PDZD2: variants seen among roughly 807,000 people sequenced by gnomAD.
PDZD2 encodes the protein PDZ domain-containing protein 2.
A neutral mutation model predicts 220.7 loss-of-function variants in PDZD2; 90 were observed. That is an observed-to-expected ratio of 0.41 (90% CI 0.34 to 0.49). The LOEUF (loss-of-function observed/expected upper bound fraction) is 0.49, where lower values mean the gene tolerates loss of function less well. PDZD2 is among the 20% of genes least tolerant of loss of function. The pLI is 0.28. For synonymous variants in PDZD2, 1,375 were observed against 1,450.5 expected, an observed-to-expected ratio of 0.95 and a Z score of 1.18; for missense variants, 3,174 against 3,608.5, an observed-to-expected ratio of 0.88 and a Z score of 3.08.
chr5:31,677,878 C>T (rs1388504453), intron 1 of PDZD2, among the ~76,000 whole-genome samples: 2 of 150,538 alleles, frequency 1.3e-5, no homozygotes, highest in African/African-American at 4.9e-5. Flanking sequence ...GATGGTAGGA[C>T]AGCAGCAGAG....
intron 21 of PDZD2, 66 bp from the exon 22 acceptor site, chr5:32,097,211 GAT>G (rs1743803407): frequency 2.0e-6 from 2 of 980,616 alleles, no homozygotes; most frequent in Non-Finnish European, 3.3e-6. Context: ...GGCCCAAGGG[GAT>G]ATGTTTTTCT....
At chr5:31,830,874 A>G (rs1315392279) in intron 2 of PDZD2, among the ~76,000 whole-genome samples, 1 of 152,198 alleles carries the variant, frequency 6.6e-6, no homozygotes. Context: ...TTCCTGACCA[A>G]GGCTTCTCAG....
intron 1 of PDZD2, among the ~76,000 whole-genome samples, chr5:31,777,059 C>T (rs1284173242): frequency 6.6e-6 from 1 of 152,176 alleles, no homozygotes; most frequent in Non-Finnish European, 1.5e-5. Context: ...TCTGGGCTGG[C>T]CGAGCCTGGA....
At chr5:31,780,502 G>A (rs1346154188) in intron 1 of PDZD2, among the ~76,000 whole-genome samples, 1 of 152,132 alleles carries the variant, frequency 6.6e-6, no homozygotes, top group East Asian at 1.9e-4. Context: ...CGAAGTCAAA[G>A]AAAAGCGAAA....
At position 31,954,311 on chromosome 5, in the gene PDZD2, A is replaced by G. The variant is rs553390535; in HGVS notation, c.477-28844A>G. ...AGTACATAAACCATGGTTAACACTC[A>G]TAAATTATAGAAGCTATTATTATTT... On this transcript the variant is annotated intron_variant, in intron 2 of 24. Coordinates refer to ENST00000438447, the MANE Select transcript of PDZD2 (RefSeq NM_178140.4). Among the ~76,000 whole-genome samples the G allele has an allele frequency of 1.2e-3, 188 of 152,366 alleles. 1 individual carries two copies. Among genetic ancestry groups the G allele is most frequent in the Non-Finnish European group, 2.1e-3 (146 of 68,046 alleles).
intron 3 of PDZD2, among the ~76,000 whole-genome samples, chr5:31,994,312 T>A (rs1343405354): frequency 6.6e-6 from 1 of 151,268 alleles, no homozygotes; most frequent in Non-Finnish European, 1.5e-5. Flanking sequence ...CCAGCCTGTT[T>A]TTTGTTTTTT....
At chr5:31,674,958 C>T (rs1746349116) in intron 1 of PDZD2, among the ~76,000 whole-genome samples, 1 of 152,156 alleles carries the variant, frequency 6.6e-6, no homozygotes, top group Non-Finnish European at 1.5e-5. Flanking sequence ...CACGAAGCCC[C>T]AGAAGGCACC....
At chr5:32,107,269 G>A (rs1744855544) in intron 24 of PDZD2, 1 of 152,154 alleles carries the variant, frequency 6.6e-6, no homozygotes, top group African/African-American at 2.4e-5. Flanking sequence ...CTGTAAGTAA[G>A]TAGTCCCCAT....
chr5:31,938,058 G>A (rs967308745), intron 2 of PDZD2, among the ~76,000 whole-genome samples: 3 of 152,206 alleles, frequency 2.0e-5, no homozygotes, highest in African/African-American at 7.2e-5. Context: ...AACATTTGCT[G>A]GTTTGCTGGT....
chr5:31,810,013 T>G (rs559104892), intron 2 of PDZD2, among the ~76,000 whole-genome samples: 1 of 152,276 alleles, frequency 6.6e-6, no homozygotes, highest in South Asian at 2.1e-4. Flanking sequence ...CTCTTAGCAC[T>G]ACTTTCGGGA....
At chr5:31,659,507 G>T (rs1745682232) in intron 1 of PDZD2, among the ~76,000 whole-genome samples, 1 of 151,866 alleles carries the variant, frequency 6.6e-6, no homozygotes, top group South Asian at 2.1e-4. Context: ...CTGCTCCCCA[G>T]CTTGGTCAGT....
At chr5:32,031,327 C>T (rs34432329) in intron 6 of PDZD2, among the ~76,000 whole-genome samples, 21,148 of 152,106 alleles carry the variant, frequency 0.14, 1,589 homozygotes, top group Admixed American at 0.18. Context: ...ATCCCTTTTT[C>T]TCTAGTTAGT....
At chr5:31,858,014 C>T (rs1169083147) in intron 2 of PDZD2, among the ~76,000 whole-genome samples, 5 of 152,052 alleles carry the variant, frequency 3.3e-5, no homozygotes, top group East Asian at 1.9e-4. Flanking sequence ...TTAGTAGAGA[C>T]GGGATTTCAC....
In PDZD2 at chr5:32,003,263, C is replaced by T. The variant is rs529113250; in HGVS notation, c.1254+2992C>T. On this transcript the variant is annotated intron_variant, in intron 5 of 24. Coordinates refer to ENST00000438447, the MANE Select transcript of PDZD2 (RefSeq NM_178140.4). Reference sequence around the variant, plus strand: ...TCACACACACACCACACACACACCACATGCCACACACACACCACACACACA... The same window carrying T: ...TCACACACACACCACACACACACCATATGCCACACACACACCACACACACA... Among the ~76,000 whole-genome samples the T allele has an allele frequency of 1.3e-3, 165 of 125,412 alleles. 1 individual carries two copies. Among genetic ancestry groups the T allele is most frequent in the Middle Eastern group, 4.9e-3 (1 of 206 alleles). 82.3% of individuals were successfully genotyped at this position (125,412 alleles called of 152,430 possible).
chr5:32,051,845 T>C (rs1738585241), intron 8 of PDZD2, among the ~76,000 whole-genome samples: 1 of 152,168 alleles, frequency 6.6e-6, no homozygotes, highest in African/African-American at 2.4e-5. Context: ...TGGTTTGGGT[T>C]TTATAAGAAA....
intron 2 of PDZD2, among the ~76,000 whole-genome samples, chr5:31,878,123 C>T (rs563078548): frequency 1.3e-5 from 2 of 152,268 alleles, no homozygotes; most frequent in South Asian, 2.1e-4. Context: ...GAGAAAAATA[C>T]CATGACTGTA....
chr5:31,826,261 T>A (rs751329334), intron 2 of PDZD2, among the ~76,000 whole-genome samples: 57 of 152,256 alleles, frequency 3.7e-4, no homozygotes, highest in Non-Finnish European at 6.0e-4. Context: ...TTTTGTTCTC[T>A]ACCTTGCTCA....
chr5:32,022,091 A>C (rs1294833271), intron 6 of PDZD2, among the ~76,000 whole-genome samples: 1 of 151,984 alleles, frequency 6.6e-6, no homozygotes, highest in Non-Finnish European at 1.5e-5. Flanking sequence ...TGGCAGACCC[A>C]GTCTTGTTTC....
At chr5:32,025,862 A>C (rs1195893846) in intron 6 of PDZD2, among the ~76,000 whole-genome samples, 1 of 151,974 alleles carries the variant, frequency 6.6e-6, no homozygotes, top group Non-Finnish European at 1.5e-5. Flanking sequence ...AGTCTCCCAG[A>C]GTGCTGGGAC....
Sources: allele counts gnomAD v4.1 joint callset (sites outside exome capture counted in the v4.1 genomes callset), GRCh38; gene constraint gnomAD v4.1.1; transcripts MANE v1.5; gene names NCBI Gene and HGNC (gene_info 2026-07-23, HGNC 2026-07-21).